The following PLEKHH2 variants were observed in gnomAD, a reference collection of about 807,000 sequenced individuals.
PLEKHH2 encodes the protein pleckstrin homology domain-containing family H member 2.
Under a neutral mutation model 187.9 loss-of-function variants are expected in PLEKHH2, and 129 were observed. The ratio of observed to expected loss-of-function variants is 0.69; its 90% CI spans 0.59 to 0.79. PLEKHH2 has a LOEUF of 0.79. Ranked by LOEUF, PLEKHH2 falls within the 30% of genes least tolerant of loss-of-function variation. The pLI is 0.00. For missense variants in PLEKHH2, 2,076 were observed against 1,751.2 expected, an observed-to-expected ratio of 1.19 and a Z score of -3.31; for synonymous variants, 686 against 605.6, an observed-to-expected ratio of 1.13 and a Z score of -1.95.
Position 43,694,446 on chromosome 2 carries a change from C to T in PLEKHH2, c.352C>T (p.Gln118Ter), listed in dbSNP as rs1668990296. 1 of 1,557,336 alleles carries T rather than the reference C, an allele frequency of 6.4e-7. No individual in the cohort carries two copies. Among genetic ancestry groups the T allele is most frequent in the African/African-American group, 1.4e-5 (1 of 72,972 alleles). ...QLEEQKQIRI[Q>*]EAKIIEEKAA... Reference sequence around the variant, plus strand: ...GTTATTTCAGAAACAAATAAGAATACAAGAAGCTAAAATAATAGAAGAGAA... The same window carrying T: ...GTTATTTCAGAAACAAATAAGAATATAAGAAGCTAAAATAATAGAAGAGAA... Residue 118 changes from glutamine (Q) to a stop codon, truncating the protein, a stop_gained, in exon 5 of 30, where the codon CAA becomes TAA. Transcript: ENST00000282406. LOFTEE classifies it high-confidence loss of function.
At chr2:43,692,727 T>G (rs1668872003) in intron 4 of PLEKHH2, 64 bp downstream of exon 4, 1 of 1,506,492 alleles carries the variant, frequency 6.6e-7, no homozygotes, top group Non-Finnish European at 9.1e-7. Context: ...TCACAAAGAT[T>G]AAAAAGAGAG....
intron 15 of PLEKHH2, among the ~76,000 whole-genome samples, chr2:43,717,513 G>A (rs144835245): frequency 0.014 from 2,087 of 152,274 alleles, 33 homozygotes; most frequent in Non-Finnish European, 0.017. Context: ...AGGAAGTTGT[G>A]ATCAGAGAAT....
Position 43,638,949 on chromosome 2 carries a change from A to G in PLEKHH2, c.-4+1570A>G, listed in dbSNP as rs1199853408. Among the ~76,000 whole-genome samples, 11 of 152,362 alleles carry G rather than the reference A, an allele frequency of 7.2e-5. No homozygotes were observed. The East Asian group carries it at 1.9e-3, about 27-fold the overall frequency. On this transcript the variant is annotated intron_variant, in intron 1 of 29. Coordinates refer to ENST00000282406, the MANE Select transcript of PLEKHH2 (RefSeq NM_172069.4). ...GAATGTAGATGTTAAATGCCAATTT[A>G]ATAATATTCTTAAGGCTTTGCTACT...
chr2:43,754,568 T>A (rs1672138675), intron 25 of PLEKHH2, among the ~76,000 whole-genome samples: 1 of 152,202 alleles, frequency 6.6e-6, no homozygotes, highest in African/African-American at 2.4e-5. Flanking sequence ...GGTGGCAGTG[T>A]GCCCAGCTAA....
At chr2:43,657,826 C>T (rs879054033) in intron 2 of PLEKHH2, among the ~76,000 whole-genome samples, 1 of 152,184 alleles carries the variant, frequency 6.6e-6, no homozygotes, top group Non-Finnish European at 1.5e-5. Context: ...AGATACCGGG[C>T]AGACTGGTGT....
intron 2 of PLEKHH2, among the ~76,000 whole-genome samples, chr2:43,668,485 A>G (rs1455460246): frequency 2.6e-5 from 4 of 152,348 alleles, no homozygotes; most frequent in Admixed American, 1.3e-4. Context: ...GAGCTCAGTA[A>G]ATAAATACTG....
intron 2 of PLEKHH2, among the ~76,000 whole-genome samples, chr2:43,647,599 A>T (rs909967879): frequency 2.6e-5 from 4 of 152,102 alleles, no homozygotes; most frequent in African/African-American, 9.7e-5. Flanking sequence ...ACCTAACATT[A>T]TGTATTTTTC....
intron 2 of PLEKHH2, among the ~76,000 whole-genome samples, chr2:43,656,188 C>A (rs1238823903): frequency 6.6e-6 from 1 of 152,120 alleles, no homozygotes; most frequent in Non-Finnish European, 1.5e-5. Flanking sequence ...AACTCCTGAC[C>A]TCAAGTGATC....
At chr2:43,640,750 C>G (rs1665862958) in intron 1 of PLEKHH2, among the ~76,000 whole-genome samples, 2 of 151,854 alleles carry the variant, frequency 1.3e-5, no homozygotes, top group African/African-American at 4.8e-5. Flanking sequence ...TATTCAGATA[C>G]TTTGCCCATT....
At chr2:43,694,769 T>C (rs1056757540) in intron 5 of PLEKHH2, among the ~76,000 whole-genome samples, 1 of 152,174 alleles carries the variant, frequency 6.6e-6, no homozygotes, top group Non-Finnish European at 1.5e-5. Flanking sequence ...TTCTAATTAA[T>C]TTCAAATAAT....
At chr2:43,655,386 C>G (rs1329587446) in intron 2 of PLEKHH2, among the ~76,000 whole-genome samples, 1 of 152,034 alleles carries the variant, frequency 6.6e-6, no homozygotes, top group South Asian at 2.1e-4. Flanking sequence ...GTATCAAAAC[C>G]AGGAACTGCT....
intron 14 of PLEKHH2, chr2:43,711,102 C>T (rs1454947754): frequency 1.0e-6 from 1 of 985,846 alleles, no homozygotes; most frequent in African/African-American, 1.7e-5. Flanking sequence ...CACATAAGGC[C>T]AGTCTTGCCA....
At chr2:43,673,941 T>C (rs747185311) in intron 2 of PLEKHH2, among the ~76,000 whole-genome samples, 4 of 152,150 alleles carry the variant, frequency 2.6e-5, no homozygotes, top group Non-Finnish European at 5.9e-5. Context: ...TACAATGTAG[T>C]TGGGAAGATA....
At chr2:43,647,238 T>C (rs1666225355) in intron 2 of PLEKHH2, among the ~76,000 whole-genome samples, 1 of 152,248 alleles carries the variant, frequency 6.6e-6, no homozygotes, top group African/African-American at 2.4e-5. Flanking sequence ...CTAAGTGCTT[T>C]AAATATATAA....
At chr2:43,642,614 T>A (rs1017431019) in intron 1 of PLEKHH2, among the ~76,000 whole-genome samples, 19 of 152,152 alleles carry the variant, frequency 1.2e-4, no homozygotes, top group Admixed American at 3.3e-4. Context: ...ACGTCCTCTA[T>A]CAGGATGAGG....
At position 43,744,903 on chromosome 2, in the gene PLEKHH2, G is replaced by A. The variant is rs888459050; in HGVS notation, c.3555+914G>A. ...AAAAAAAAAAGAAAAAGAAAAGAAA[G>A]GAAGAAAGAAAGAAAACAGACCTGT... On this transcript the variant is annotated intron_variant, in intron 23 of 29. Transcript: ENST00000282406. Among the ~76,000 whole-genome samples, 3 of 149,124 alleles carry A rather than the reference G, an allele frequency of 2.0e-5. No individual in the cohort carries two copies. In the East Asian group the frequency reaches 5.9e-4, roughly 29 times the overall value.
At chr2:43,757,814 C>G (rs1275196269) in intron 26 of PLEKHH2, among the ~76,000 whole-genome samples, 1 of 151,780 alleles carries the variant, frequency 6.6e-6, no homozygotes, top group Non-Finnish European at 1.5e-5. Flanking sequence ...TTTAATTGAT[C>G]TTTTTCATTC....
intron 2 of PLEKHH2, among the ~76,000 whole-genome samples, chr2:43,652,567 T>C (rs1186718314): frequency 1.3e-5 from 2 of 152,150 alleles, no homozygotes; most frequent in Non-Finnish European, 2.9e-5. Context: ...CTCTAGGGAC[T>C]CCATGAGTCC....
chr2:43,669,539 A>G (rs1667397805), intron 2 of PLEKHH2, among the ~76,000 whole-genome samples: 1 of 152,234 alleles, frequency 6.6e-6, no homozygotes. Context: ...TAAGACACGA[A>G]TAGCATGAAT....
Sources: allele counts gnomAD v4.1 joint callset (sites outside exome capture counted in the v4.1 genomes callset), GRCh38; gene constraint gnomAD v4.1.1; transcripts MANE v1.5; gene names NCBI Gene and HGNC (gene_info 2026-07-23, HGNC 2026-07-21).